Variants in KIF21A observed in about 807,000 individuals in gnomAD.
KIF21A encodes the protein kinesin-like protein KIF21A.
Under a neutral mutation model 202.9 loss-of-function variants are expected in KIF21A, and 114 were observed. The ratio of observed to expected loss-of-function variants is 0.56; its 90% CI spans 0.48 to 0.66. KIF21A has a LOEUF of 0.66. Among genes scored for constraint, KIF21A ranks in the 30% least tolerant of loss-of-function variants. The probability of loss-of-function intolerance (pLI) is 0.00; values close to 1 mark genes in which losing one functional copy is unlikely to be tolerated. For synonymous variants in KIF21A, 667 were observed against 670.8 expected (o/e 0.99, Z 0.09); for missense variants, 1,677 against 1,994.9 (o/e 0.84, Z 3.04).
In KIF21A at chr12:39,333,048, A is replaced by G; in HGVS notation, c.2547T>C (p.Thr849=). ...PMSDKVAGKV[T]RKLSSSDAPA... The stretch of plus-strand genomic sequence containing the variant: ...GTGCATCAGATGAACTCAGCTTCCG[A>G]GTAACTTTCCCAGCCACTTTATCTG... The change falls in exon 19 of 38, where the codon ACT becomes ACC. Residue 849 remains threonine, a synonymous_variant. Coordinates refer to ENST00000361418, the MANE Select transcript of KIF21A (RefSeq NM_001173464.2). The G allele has an allele frequency of 6.2e-7, 1 of 1,614,064 alleles. No individual in the cohort carries two copies. The highest frequency in any genetic ancestry group is 1.1e-5 in the South Asian group (1 of 91,084).
At chr12:39,384,203 T>G (rs976773496) in intron 1 of KIF21A, among the ~76,000 whole-genome samples, 1 of 152,216 alleles carries the variant, frequency 6.6e-6, no homozygotes, top group East Asian at 1.9e-4. Flanking sequence ...TGCTTTTTTT[T>G]AAACTCATGG....
chr12:39,370,721 G>T (rs566541644), intron 1 of KIF21A, among the ~76,000 whole-genome samples: 1 of 151,650 alleles, frequency 6.6e-6, no homozygotes, highest in East Asian at 1.9e-4. Flanking sequence ...CGTCTTTTTT[G>T]CTAACTCTTC....
At chr12:39,425,584 A>G (rs183327350) in intron 1 of KIF21A, among the ~76,000 whole-genome samples, 282 of 152,318 alleles carry the variant, frequency 1.9e-3, no homozygotes, top group Admixed American at 4.0e-3. Flanking sequence ...GATACTAAAG[A>G]TAACTGTTTA....
rs1234126299 is a variant in KIF21A, at chr12:39,313,549, A to G, written c.3959+1680T>C. On this transcript the variant is annotated intron_variant, in intron 31 of 37. Coordinates refer to ENST00000361418, the MANE Select transcript of KIF21A (RefSeq NM_001173464.2). ...GTTAGAGTAAAGTATTTCCACAGGT[A>G]GTTGAAGAGTCATACCTAACGAGTC... Among the ~76,000 whole-genome samples, 19 of 151,928 alleles carry G rather than the reference A, an allele frequency of 1.3e-4. 1 individual carries two copies.
chr12:39,400,454 A>G (rs1952082891), intron 1 of KIF21A, among the ~76,000 whole-genome samples: 2 of 152,202 alleles, frequency 1.3e-5, no homozygotes, highest in East Asian at 1.9e-4. Flanking sequence ...CCAACCCCCA[A>G]CAGGCCCCAG....
intron 29 of KIF21A, among the ~76,000 whole-genome samples, chr12:39,316,293 G>C (rs1384361903): frequency 6.6e-6 from 1 of 151,984 alleles, no homozygotes. Flanking sequence ...GCACTTCAAG[G>C]TTTGCTCTAT....
At chr12:39,359,449 C>G (rs1409366933) in intron 7 of KIF21A, among the ~76,000 whole-genome samples, 1 of 152,090 alleles carries the variant, frequency 6.6e-6, no homozygotes, top group African/African-American at 2.4e-5. Context: ...CAGGGATTAT[C>G]AACTTTTATT....
At chr12:39,400,632 A>G (rs534179606) in intron 1 of KIF21A, among the ~76,000 whole-genome samples, 1 of 152,312 alleles carries the variant, frequency 6.6e-6, no homozygotes, top group East Asian at 1.9e-4. Flanking sequence ...CATACACCAT[A>G]GAATACTATG....
At chr12:39,334,561 T>C (rs202210950) in intron 17 of KIF21A, among the ~76,000 whole-genome samples, 1 of 123,818 alleles carries the variant, frequency 8.1e-6, no homozygotes, top group Non-Finnish European at 1.9e-5. Flanking sequence ...ATTAATGAAT[T>C]ATCAGAAATT....
chr12:39,337,490 A>G, intron 16 of KIF21A: 1 of 354,702 alleles, frequency 2.8e-6, no homozygotes, highest in Non-Finnish European at 5.2e-6. Flanking sequence ...TAGCTGTGTG[A>G]CCTTGATCGA....
At chr12:39,382,486 A>T (rs1450224725) in intron 1 of KIF21A, among the ~76,000 whole-genome samples, 2 of 152,198 alleles carry the variant, frequency 1.3e-5, no homozygotes, top group Non-Finnish European at 2.9e-5. Flanking sequence ...CATGTTTGAA[A>T]GGGCAATGTT....
At chr12:39,357,218 T>C in intron 9 of KIF21A, 30 bp downstream of exon 9, 1 of 1,595,672 alleles carries the variant, frequency 6.3e-7, no homozygotes, top group Non-Finnish European at 8.6e-7. Flanking sequence ...CAGAAGTTAA[T>C]CCCTCACTTA....
intron 31 of KIF21A, chr12:39,312,156 A>G (rs1427630858): frequency 6.5e-6 from 1 of 153,460 alleles, no homozygotes; most frequent in Admixed American, 6.5e-5. Context: ...GATAAAGAAA[A>G]TGTACATACA....
intron 31 of KIF21A, among the ~76,000 whole-genome samples, chr12:39,314,716 G>A (rs1309354663): frequency 1.3e-5 from 2 of 151,724 alleles, no homozygotes; most frequent in African/African-American, 2.4e-5. Flanking sequence ...ATGTTTCCCT[G>A]ATGATGTAAT....
At chr12:39,315,710 T>C in intron 30 of KIF21A, 1 of 599,090 alleles carries the variant, frequency 1.7e-6, no homozygotes. Flanking sequence ...AAAACAGGTA[T>C]CACAATTTTT....
At chr12:39,382,941 T>G (rs1361387803) in intron 1 of KIF21A, among the ~76,000 whole-genome samples, 1 of 152,354 alleles carries the variant, frequency 6.6e-6, no homozygotes, top group African/African-American at 2.4e-5. Context: ...GTTACATTAC[T>G]GCATGAAGTA....
At chr12:39,399,240 T>C (rs1411959500) in intron 1 of KIF21A, among the ~76,000 whole-genome samples, 1 of 152,236 alleles carries the variant, frequency 6.6e-6, no homozygotes, top group African/African-American at 2.4e-5. Flanking sequence ...TATTGTATTT[T>C]GTATTATAAG....
chr12:39,419,062 T>C (rs1028817712), intron 1 of KIF21A, among the ~76,000 whole-genome samples: 1 of 152,202 alleles, frequency 6.6e-6, no homozygotes, highest in African/African-American at 2.4e-5. Flanking sequence ...CAAGTAAATA[T>C]AGTATTTGTT....
intron 1 of KIF21A, among the ~76,000 whole-genome samples, chr12:39,397,258 C>G: frequency 6.6e-6 from 1 of 152,100 alleles, no homozygotes; most frequent in South Asian, 2.1e-4. Flanking sequence ...TGTTTGTGTT[C>G]AATACTTTTT....
Sources: gnomAD v4.1 joint callset for allele counts (sites outside exome capture counted in the v4.1 genomes callset) on GRCh38, gnomAD v4.1.1 for gene constraint, MANE v1.5 for transcripts, NCBI Gene and HGNC (gene_info 2026-07-23, HGNC 2026-07-21) for gene names.